Variants in BAZ1B observed in about 807,000 individuals in gnomAD.
BAZ1B encodes the protein bromodomain adjacent to zinc finger domain 1B.
Under a neutral mutation model 153.8 loss-of-function variants are expected in BAZ1B, and 22 were observed. The ratio of observed to expected loss-of-function variants is 0.14; its 90% CI spans 0.10 to 0.20. The LOEUF (loss-of-function observed/expected upper bound fraction) is 0.20. BAZ1B is among the 10% of genes least tolerant of loss of function. The pLI, the probability that BAZ1B is intolerant of heterozygous loss-of-function variation, is 1.00. For missense variants in BAZ1B, 1,325 were observed against 1,799.3 expected, an observed-to-expected ratio of 0.74 and a Z score of 4.77; for synonymous variants, 676 against 633.4, an observed-to-expected ratio of 1.07 and a Z score of -1.01.
intron 3 of BAZ1B, among the ~76,000 whole-genome samples, chr7:73,502,385 A>C (rs1476838680): frequency 6.6e-6 from 1 of 151,992 alleles, no homozygotes. Flanking sequence ...TTAGAGTGCA[A>C]AACATTTTTA....
intron 13 of BAZ1B, among the ~76,000 whole-genome samples, chr7:73,457,852 T>C (rs1554569757): frequency 6.6e-6 from 1 of 152,122 alleles, no homozygotes; most frequent in African/African-American, 2.4e-5. Context: ...TCTGATCAGC[T>C]TCAGGTAACA....
At chr7:73,481,965 G>A (rs555556311) in intron 6 of BAZ1B, among the ~76,000 whole-genome samples, 33 of 152,280 alleles carry the variant, frequency 2.2e-4, no homozygotes, top group African/African-American at 7.9e-4. Flanking sequence ...CGTGAACCCG[G>A]GAGGCGGAGC....
chr7:73,448,326 G>C (rs1787913339), intron 15 of BAZ1B, among the ~76,000 whole-genome samples: 1 of 152,152 alleles, frequency 6.6e-6, no homozygotes, highest in South Asian at 2.1e-4. Flanking sequence ...CCAAGCCAGA[G>C]TACCTATAAG....
chr7:73,469,163 G>C (rs1489109070), intron 9 of BAZ1B, among the ~76,000 whole-genome samples: 1 of 151,298 alleles, frequency 6.6e-6, no homozygotes, highest in Non-Finnish European at 1.5e-5. Context: ...AGAAGAAGAG[G>C]ACATCTAACA....
intron 16 of BAZ1B, among the ~76,000 whole-genome samples, chr7:73,444,386 C>T (rs1254310595): frequency 7.9e-5 from 12 of 152,226 alleles, no homozygotes; most frequent in African/African-American, 2.9e-4. Flanking sequence ...TTCAGTACTT[C>T]TGTCCTGCCC....
At chr7:73,521,595 G>T (rs934942557) in intron 1 of BAZ1B, among the ~76,000 whole-genome samples, 1 of 151,952 alleles carries the variant, frequency 6.6e-6, no homozygotes, top group Non-Finnish European at 1.5e-5. Flanking sequence ...GGGGCCCCGG[G>T]GGCGGCCGAA....
At chr7:73,484,836 GTCAAGGT>G (rs1789343172) in intron 6 of BAZ1B, among the ~76,000 whole-genome samples, 1 of 152,022 alleles carries the variant, frequency 6.6e-6, no homozygotes, top group Non-Finnish European at 1.5e-5. Context: ...ATTTCAAAAC[GTCAAGGT>G]TTTGAAAGAC....
At position 73,505,604 on chromosome 7, in the gene BAZ1B, A is replaced by G. The variant is rs572777932; in HGVS notation, c.369+2723T>C. ...AAGAACAGTTCAAGCATGATGGAGA[A>G]GCAAATTAAACATTTGTCCTGAGAG... On this transcript the variant is annotated intron_variant, in intron 3 of 19. Transcript: ENST00000339594. Among the ~76,000 whole-genome samples the G allele has an allele frequency of 4.6e-5, 7 of 151,920 alleles. No individual in the cohort carries two copies. The South Asian group carries it at 1.5e-3, about 32-fold the overall frequency.
chr7:73,508,435 A>T lies in BAZ1B; in HGVS notation c.261T>A (p.Leu87=), dbSNP rs1790433155. The change falls in exon 3 of 20, where the codon CTT becomes CTA. Residue 87 remains leucine, a synonymous_variant. Transcript: ENST00000339594. ...TGTTATGGTGAACCATTTCCAGAAC[A>T]AGCTTCTCATACCAGGCAGGAAACT... ...KEEFPAWYEK[L]VLEMVHHNTA... is the part of the protein sequence containing the mutation. 6.8e-6 allele frequency: 11 copies of T among 1,613,354 alleles called. No homozygotes were observed. Among genetic ancestry groups the T allele is most frequent in the Non-Finnish European group, 9.3e-6 (11 of 1,179,602 alleles).
intron 5 of BAZ1B, among the ~76,000 whole-genome samples, chr7:73,489,647 T>C (rs1345605874): frequency 6.6e-6 from 1 of 152,050 alleles, no homozygotes; most frequent in African/African-American, 2.4e-5. Context: ...AGACCCTCTG[T>C]GTACAAAAAT....
intron 13 of BAZ1B, among the ~76,000 whole-genome samples, 160 bp downstream of exon 13, chr7:73,459,376 G>C (rs1788315383): frequency 6.6e-6 from 1 of 150,906 alleles, no homozygotes. Context: ...CCACAGAAGG[G>C]GTAGAAAGTG....
chr7:73,482,369 T>G (rs2116354818), intron 6 of BAZ1B, among the ~76,000 whole-genome samples: 1 of 152,256 alleles, frequency 6.6e-6, no homozygotes, highest in Middle Eastern at 3.4e-3. Context: ...TGGCAGGAAA[T>G]AAGAACAAAT....
chr7:73,519,735 T>C (rs1790953652), intron 1 of BAZ1B, among the ~76,000 whole-genome samples: 2 of 152,284 alleles, frequency 1.3e-5, no homozygotes, highest in African/African-American at 2.4e-5. Context: ...TGAAATATAC[T>C]TAGAAATTGT....
chr7:73,495,267 A>G (rs1473592518), intron 4 of BAZ1B, among the ~76,000 whole-genome samples: 1 of 152,208 alleles, frequency 6.6e-6, no homozygotes, highest in Admixed American at 6.6e-5. Flanking sequence ...TGGGTGACAG[A>G]GCGAGACTCC....
At chr7:73,475,044 A>G (rs1026388777) in intron 7 of BAZ1B, among the ~76,000 whole-genome samples, 6 of 152,240 alleles carry the variant, frequency 3.9e-5, no homozygotes, top group Non-Finnish European at 5.9e-5. Flanking sequence ...CACACCCACT[A>G]GTATGACTAT....
chr7:73,477,067 C>T lies in BAZ1B; in HGVS notation c.2394G>A (p.Arg798=). Residue 798 remains arginine, a synonymous_variant, in exon 7 of 20, where the codon CGG becomes CGA. Transcript: ENST00000339594. This position sits in a 1 kb window ranked among gnomAD's most constrained non-coding sequence, Gnocchi z 5.6. ...NDKKRAEKQK[R]KEMEAKNKEN... The stretch of plus-strand genomic sequence containing the variant: ...CTTTATTTTTGGCTTCCATTTCTTT[C>T]CGTTTCTGTTTCTCTGCTCTCTTCT... The T allele has an allele frequency of 6.2e-7, 1 of 1,614,136 alleles. No homozygotes were observed. Among genetic ancestry groups the T allele is most frequent in the East Asian group, 2.2e-5 (1 of 44,882 alleles).
Position 73,499,727 on chromosome 7 carries a change from T to C in BAZ1B, c.370-1029A>G, listed in dbSNP as rs577302966. On this transcript the variant is annotated intron_variant, in intron 3 of 19. Transcript: ENST00000339594. ...GGGGCATTAGAGGGCTGCGAACCAC[T>C]GCTATGTCCTCTTGACAAACTGACT... Among the ~76,000 whole-genome samples, 3 of 152,348 alleles carry C rather than the reference T, an allele frequency of 2.0e-5. No individual in the cohort carries two copies. The East Asian group carries it at 5.8e-4, about 29-fold the overall frequency.
chr7:73,441,602 C>G lies in BAZ1B; in HGVS notation c.*107G>C, dbSNP rs1787620208. 2 of 152,594 alleles carry G rather than the reference C, an allele frequency of 1.3e-5. No individual in the cohort carries two copies. Among genetic ancestry groups the G allele is most frequent in the African/African-American group, 4.8e-5 (2 of 41,388 alleles). 9.5% of individuals were successfully genotyped at this position (152,594 alleles called of 1,614,324 possible). A position where few individuals can be genotyped will look rare whatever the true frequency, so the allele number is the denominator to read the frequency against. On this transcript the variant is annotated 3_prime_UTR_variant, in exon 20 of 20. Coordinates refer to ENST00000339594, the MANE Select transcript of BAZ1B (RefSeq NM_032408.4). The stretch of plus-strand genomic sequence containing the variant: ...TCAGGAATGGCTCCAGGACACGTCC[C>G]TTTACTCTGCCAAGATCAACTCAAA...
chr7:73,481,520 A>G (rs1789200366), intron 6 of BAZ1B, among the ~76,000 whole-genome samples: 2 of 151,250 alleles, frequency 1.3e-5, no homozygotes, highest in Non-Finnish European at 1.5e-5. Context: ...CCATCTCAAA[A>G]AAAAAAAAAA....
Sources: allele counts gnomAD v4.1 joint callset (sites outside exome capture counted in the v4.1 genomes callset), GRCh38; gene constraint gnomAD v4.1.1; non-coding constraint Gnocchi (gnomAD v3.1); transcripts MANE v1.5; gene names NCBI Gene and HGNC (gene_info 2026-07-23, HGNC 2026-07-21).